Variants in FRMD5 observed in about 807,000 individuals in gnomAD.
FRMD5 encodes FERM domain containing 5.
A neutral mutation model predicts 69.0 loss-of-function variants in FRMD5; 20 were observed. The ratio of observed to expected loss-of-function variants is 0.29; its 90% confidence interval spans 0.20 to 0.42. FRMD5 has a LOEUF of 0.42. Ranked by LOEUF, FRMD5 falls within the 10% of genes least tolerant of loss-of-function variation. The pLI, the probability that FRMD5 is intolerant of heterozygous loss-of-function variation, is 1.00. For synonymous variants in FRMD5, 271 were observed against 260.1 expected (o/e 1.04, Z -0.40); for missense variants, 595 against 708.6 (o/e 0.84, Z 1.82).
chr15:44,189,250 TACA>T (rs2078153733), intron 1 of FRMD5, among the ~76,000 whole-genome samples: 1 of 152,142 alleles, frequency 6.6e-6, no homozygotes, highest in Non-Finnish European at 1.5e-5. Context: ...TTAGAAATAA[TACA>T]ACAATTACAA....
intron 1 of FRMD5, among the ~76,000 whole-genome samples, chr15:44,143,219 C>T (rs1325051387): frequency 1.3e-5 from 2 of 152,148 alleles, no homozygotes; most frequent in African/African-American, 4.8e-5. Context: ...ATGTATCAGA[C>T]ACAGTACACC....
chr15:43,886,722 G>A (rs528388717), intron 10 of FRMD5, among the ~76,000 whole-genome samples: 2 of 152,344 alleles, frequency 1.3e-5, no homozygotes, highest in East Asian at 3.9e-4. Flanking sequence ...CATCCGAGCT[G>A]CTTACTGGAG....
intron 1 of FRMD5, among the ~76,000 whole-genome samples, chr15:44,154,064 G>A (rs114392811): frequency 0.028 from 4,337 of 152,194 alleles, 168 homozygotes; most frequent in African/African-American, 0.087. Context: ...GCTCACACCC[G>A]TAGTCCTAGC....
At chr15:44,172,515 G>A (rs544898882) in intron 1 of FRMD5, among the ~76,000 whole-genome samples, 1 of 152,178 alleles carries the variant, frequency 6.6e-6, no homozygotes, top group Middle Eastern at 3.4e-3. Context: ...AAACACATCA[G>A]TCAGTATTGC....
chr15:43,948,799 T>C (rs2089985091), intron 1 of FRMD5, among the ~76,000 whole-genome samples: 1 of 152,150 alleles, frequency 6.6e-6, no homozygotes, highest in Non-Finnish European at 1.5e-5. Context: ...AAACTCCTCA[T>C]CCATTTTTCA....
chr15:43,985,961 G>C (rs946104438), intron 1 of FRMD5, among the ~76,000 whole-genome samples: 6 of 152,234 alleles, frequency 3.9e-5, no homozygotes, highest in South Asian at 2.1e-4. Context: ...CAGTGGGCCT[G>C]AAGGAATGCA....
At chr15:43,918,296 C>A (rs529279118) in intron 4 of FRMD5, among the ~76,000 whole-genome samples, 2 of 152,104 alleles carry the variant, frequency 1.3e-5, no homozygotes, top group African/African-American at 4.8e-5. Context: ...TGGTGGCAGG[C>A]GCCCGTAATC....
intron 1 of FRMD5, among the ~76,000 whole-genome samples, chr15:44,024,210 C>T (rs1177471239): frequency 6.6e-6 from 1 of 151,866 alleles, no homozygotes; most frequent in Non-Finnish European, 1.5e-5. Flanking sequence ...TTTGTTTTAA[C>T]TCCCTATGAT....
intron 1 of FRMD5, among the ~76,000 whole-genome samples, chr15:44,088,266 G>A (rs558140507): frequency 3.9e-5 from 6 of 151,902 alleles, no homozygotes; most frequent in Non-Finnish European, 8.8e-5. Flanking sequence ...CACCATTCCC[G>A]AAAGAAACCA....
intron 1 of FRMD5, among the ~76,000 whole-genome samples, chr15:44,057,105 C>T (rs190528129): frequency 6.6e-6 from 1 of 150,520 alleles, no homozygotes; most frequent in Non-Finnish European, 1.5e-5. Context: ...CAGATAAATT[C>T]CCTCTCCCTC....
At chr15:44,027,504 G>A (rs1240930942) in intron 1 of FRMD5, among the ~76,000 whole-genome samples, 1 of 152,096 alleles carries the variant, frequency 6.6e-6, no homozygotes, top group African/African-American at 2.4e-5. Flanking sequence ...TCAGGTCAGG[G>A]GCAGCTTGGT....
intron 1 of FRMD5, among the ~76,000 whole-genome samples, chr15:43,946,953 T>A (rs749951297): frequency 3.9e-5 from 6 of 152,202 alleles, no homozygotes; most frequent in Non-Finnish European, 7.3e-5. Context: ...GTAACACCAT[T>A]TCTAGCATTA....
intron 1 of FRMD5, among the ~76,000 whole-genome samples, chr15:44,056,208 A>G (rs766951186): frequency 4.6e-5 from 7 of 152,222 alleles, no homozygotes; most frequent in Non-Finnish European, 8.8e-5. Flanking sequence ...TAGGTAGTCA[A>G]CAAGCATTTA....
intron 1 of FRMD5, among the ~76,000 whole-genome samples, chr15:44,127,292 A>G (rs1293586627): frequency 6.6e-6 from 1 of 152,180 alleles, no homozygotes; most frequent in Non-Finnish European, 1.5e-5. Context: ...GGGTTTCGCC[A>G]TGTTGGCCAG....
In FRMD5 at chr15:43,872,827, C is replaced by A; in HGVS notation, c.*1058G>T. ...GTTCATCAGGCTCTATTTTCTTAAT[C>A]CATAAAGTAAAAACAAAATATGAAT... On this transcript the variant is annotated 3_prime_UTR_variant, in exon 14 of 14. Transcript: ENST00000417257. The A allele has an allele frequency of 4.6e-6, 1 of 217,290 alleles. No individual in the cohort carries two copies. Among genetic ancestry groups the A allele is most frequent in the Non-Finnish European group, 9.0e-6 (1 of 111,186 alleles). The allele number at this position is 217,290 out of a possible 1,614,324, so 13.5% of individuals were successfully genotyped here. A position where few individuals can be genotyped will look rare whatever the true frequency, so the allele number is the denominator to read the frequency against.
chr15:44,044,767 G>A (rs1481553992), intron 1 of FRMD5, among the ~76,000 whole-genome samples: 1 of 151,654 alleles, frequency 6.6e-6, no homozygotes, highest in Admixed American at 6.6e-5. Context: ...CTGTCAGGGG[G>A]TGGGGGGCTA....
intron 1 of FRMD5, among the ~76,000 whole-genome samples, chr15:44,190,180 C>T (rs1260568578): frequency 6.6e-6 from 1 of 152,178 alleles, no homozygotes; most frequent in Non-Finnish European, 1.5e-5. Context: ...GAGAGACGAG[C>T]AACTCGCAGA....
At chr15:44,118,050 A>C (rs1203263092) in intron 1 of FRMD5, among the ~76,000 whole-genome samples, 1 of 141,990 alleles carries the variant, frequency 7.0e-6, no homozygotes, top group Non-Finnish European at 1.5e-5. Flanking sequence ...CATTTCAAAG[A>C]CTAATGAAGC....
chr15:44,140,674 T>C (rs1295220596), intron 1 of FRMD5, among the ~76,000 whole-genome samples: 17 of 151,322 alleles, frequency 1.1e-4, no homozygotes, highest in Admixed American at 1.1e-3. Flanking sequence ...AGCTCAAGAG[T>C]TGGAGACCAG....
Sources: allele counts gnomAD v4.1 joint callset (sites outside exome capture counted in the v4.1 genomes callset), GRCh38; gene constraint gnomAD v4.1.1; transcripts MANE v1.5; gene names NCBI Gene and HGNC (gene_info 2026-07-23, HGNC 2026-07-21).